The following PTPRN2 variants were observed in gnomAD, a reference collection of about 807,000 sequenced individuals.
PTPRN2 encodes receptor-type tyrosine-protein phosphatase N2.
Under a neutral mutation model 118.8 loss-of-function variants are expected in PTPRN2, and 74 were observed. The ratio of observed to expected loss-of-function variants is 0.62; its 90% CI spans 0.52 to 0.76. PTPRN2 has a LOEUF of 0.76. Among genes scored for constraint, PTPRN2 ranks in the 30% least tolerant of loss-of-function variants. PTPRN2 has a pLI of 0.00. For synonymous variants in PTPRN2, 641 were observed against 608.0 expected, an observed-to-expected ratio of 1.05 and a Z score of -0.80; for missense variants, 1,481 against 1,394.4, an observed-to-expected ratio of 1.06 and a Z score of -0.99.
chr7:157,758,254 T>C (rs971375908), intron 12 of PTPRN2, among the ~76,000 whole-genome samples: 7 of 152,186 alleles, frequency 4.6e-5, no homozygotes, highest in Non-Finnish European at 7.4e-5. Flanking sequence ...ATGACGAGCG[T>C]GGTGTTGCCC....
chr7:158,406,812 C>T (rs997167903), intron 2 of PTPRN2, among the ~76,000 whole-genome samples: 2 of 152,224 alleles, frequency 1.3e-5, no homozygotes, highest in East Asian at 3.8e-4. Flanking sequence ...TGTGTTTCGG[C>T]TCATTTCGTT....
intron 3 of PTPRN2, among the ~76,000 whole-genome samples, chr7:158,294,087 G>A (rs575441342): frequency 3.9e-5 from 6 of 152,014 alleles, no homozygotes; most frequent in South Asian, 2.1e-4. Context: ...CAGTTGGCTC[G>A]TCTACACCAG....
chr7:157,646,749 C>T (rs1440312388), intron 14 of PTPRN2, among the ~76,000 whole-genome samples: 13 of 152,218 alleles, frequency 8.5e-5, no homozygotes, highest in African/African-American at 2.9e-4. Flanking sequence ...GGCTCTAGAA[C>T]GTCCCCTCAA....
intron 6 of PTPRN2, among the ~76,000 whole-genome samples, chr7:158,143,242 G>C (rs558955361): frequency 9.7e-4 from 148 of 152,278 alleles, no homozygotes; most frequent in African/African-American, 3.4e-3. Flanking sequence ...AAAAGTAGGC[G>C]GCCACAGGCA....
intron 12 of PTPRN2, among the ~76,000 whole-genome samples, chr7:157,811,137 G>A (rs1230539336): frequency 6.6e-6 from 1 of 151,602 alleles, no homozygotes; most frequent in Admixed American, 6.6e-5. Context: ...CGGGCGTGGT[G>A]GCGGGCACCT....
At chr7:158,260,581 G>A (rs1367266609) in intron 3 of PTPRN2, among the ~76,000 whole-genome samples, 1 of 151,992 alleles carries the variant, frequency 6.6e-6, no homozygotes, top group Non-Finnish European at 1.5e-5. Context: ...CAAAACAAAA[G>A]CAAAACAACC....
chr7:157,677,765 C>A lies in PTPRN2; in HGVS notation c.2001+4960G>T, dbSNP rs574037100. On this transcript the variant is annotated intron_variant, in intron 13 of 22. Coordinates refer to ENST00000389418, the MANE Select transcript of PTPRN2 (RefSeq NM_002847.5). ...TTACCCTCATCATCCTGGCTAAATT[C>A]TGCAGGTTTCCTTCCGATTTCCTTC... Among the ~76,000 whole-genome samples, 418 of 152,374 alleles carry A rather than the reference C, an allele frequency of 2.7e-3. 1 individual carries two copies. Among genetic ancestry groups the A allele is most frequent in the Middle Eastern group, 6.8e-3 (2 of 294 alleles).
intron 2 of PTPRN2, among the ~76,000 whole-genome samples, chr7:158,350,514 A>G (rs1011784538): frequency 6.6e-6 from 1 of 152,196 alleles, no homozygotes; most frequent in Non-Finnish European, 1.5e-5. Flanking sequence ...GTCTTCAATG[A>G]TTTTGAAACT....
intron 3 of PTPRN2, among the ~76,000 whole-genome samples, chr7:158,297,147 A>G (rs1383107284): frequency 3.3e-5 from 5 of 152,242 alleles, no homozygotes; most frequent in Non-Finnish European, 7.3e-5. Flanking sequence ...AGCACAGCAC[A>G]TATACAGCTT....
chr7:157,625,186 A>T (rs1803491511), intron 14 of PTPRN2, among the ~76,000 whole-genome samples: 2 of 152,266 alleles, frequency 1.3e-5, no homozygotes, highest in African/African-American at 4.8e-5. Context: ...TTGTTAAAGA[A>T]CTAAAAGTAG....
At chr7:158,305,801 A>AAAAAAG (rs1044132816) in intron 3 of PTPRN2, among the ~76,000 whole-genome samples, 9 of 152,030 alleles carry the variant, frequency 5.9e-5, no homozygotes, top group African/African-American at 1.9e-4. Flanking sequence ...TCAAAAAAAA[A>AAAAAAG]AAAAAAGAAA....
intron 12 of PTPRN2, among the ~76,000 whole-genome samples, chr7:157,819,631 C>T (rs1366026431): frequency 1.3e-5 from 2 of 151,914 alleles, no homozygotes; most frequent in Non-Finnish European, 2.9e-5. Flanking sequence ...CACGGCACAG[C>T]CCTCCCCACC....
chr7:158,001,520 G>A (rs987433632), intron 11 of PTPRN2, among the ~76,000 whole-genome samples: 11 of 152,110 alleles, frequency 7.2e-5, no homozygotes, highest in Admixed American at 2.6e-4. Flanking sequence ...CACAGGGCCT[G>A]AGTCCACGGC....
chr7:157,905,174 CTAAAG>C, intron 11 of PTPRN2, among the ~76,000 whole-genome samples: 1 of 152,200 alleles, frequency 6.6e-6, no homozygotes, highest in East Asian at 1.9e-4. Flanking sequence ...CCTTTTAAGT[CTAAAG>C]TAAATACCTG....
At chr7:157,703,529 A>C (rs1172434773) in intron 12 of PTPRN2, among the ~76,000 whole-genome samples, 1 of 152,214 alleles carries the variant, frequency 6.6e-6, no homozygotes, top group African/African-American at 2.4e-5. Flanking sequence ...TTTCGGGATA[A>C]CTCGCTGTGC....
Position 158,286,668 on chromosome 7 carries a change from T to C in PTPRN2, c.277+30151A>G, listed in dbSNP as rs186748732. Among the ~76,000 whole-genome samples the C allele has an allele frequency of 1.2e-4, 18 of 152,362 alleles. No individual in the cohort carries two copies. The Middle Eastern group carries it at 0.014, about 115-fold the overall frequency. On this transcript the variant is annotated intron_variant, in intron 3 of 22. Transcript: ENST00000389418. ...CATATCACATTAATAGAGTTGCATA[T>C]ATTGAACCATCCTTGCATACCAGGG...
intron 19 of PTPRN2, chr7:157,574,348 T>C (rs1159316351): frequency 1.9e-6 from 1 of 530,966 alleles, no homozygotes; most frequent in East Asian, 5.5e-5. Flanking sequence ...CAGTTTCCAA[T>C]GATCACTTTT....
intron 10 of PTPRN2, among the ~76,000 whole-genome samples, chr7:158,085,789 G>C (rs890129867): frequency 8.9e-6 from 1 of 112,738 alleles, no homozygotes; most frequent in African/African-American, 3.7e-5. Flanking sequence ...CCACACCCAC[G>C]ACGCCCATCC....
chr7:157,879,415 GCA>G (rs1288505072), intron 12 of PTPRN2, among the ~76,000 whole-genome samples: 12 of 151,548 alleles, frequency 7.9e-5, no homozygotes, highest in Admixed American at 7.9e-4. Context: ...ACACGTGCAC[GCA>G]CACACACACA....
Sources: gnomAD v4.1 joint callset for allele counts (sites outside exome capture counted in the v4.1 genomes callset) on GRCh38, gnomAD v4.1.1 for gene constraint, MANE v1.5 for transcripts, NCBI Gene and HGNC (gene_info 2026-07-23, HGNC 2026-07-21) for gene names.